The following MAPK10 variants were observed in gnomAD, a reference collection of about 807,000 sequenced individuals.
MAPK10 encodes mitogen-activated protein kinase 10, also known as JNK3 alpha protein kinase.
In MAPK10, 25 loss-of-function variants were observed where a neutral mutation model predicts 59.3. The observed-to-expected ratio is 0.42, with a 90% CI of 0.31 to 0.59. The LOEUF (loss-of-function observed/expected upper bound fraction) is 0.59. Ranked by LOEUF, MAPK10 falls within the 20% of genes least tolerant of loss-of-function variation. MAPK10 has a pLI of 0.15. For missense variants in MAPK10, 351 were observed against 568.9 expected, an observed-to-expected ratio of 0.62 and a Z score of 3.90; for synonymous variants, 190 against 200.5, an observed-to-expected ratio of 0.95 and a Z score of 0.44.
intron 7 of MAPK10, chr4:86,101,474 AT>A (rs2149072285): frequency 7.0e-6 from 3 of 427,742 alleles, no homozygotes; most frequent in South Asian, 3.6e-5. Context: ...AGAAAAAAAA[AT>A]ATTTATTGTC....
At chr4:86,123,693 A>G (rs2059625803) in intron 4 of MAPK10, 1 of 152,066 alleles carries the variant, frequency 6.6e-6, no homozygotes, top group Non-Finnish European at 1.5e-5. Context: ...TAATTCTGCA[A>G]ATAAATTACC....
intron 2 of MAPK10, among the ~76,000 whole-genome samples, chr4:86,352,538 C>A (rs1564647106): frequency 6.6e-6 from 1 of 152,052 alleles, no homozygotes; most frequent in Admixed American, 6.6e-5. Flanking sequence ...GATGGAAAAC[C>A]TACAAAGAAA....
chr4:86,353,328 A>G (rs1051242179), intron 2 of MAPK10, among the ~76,000 whole-genome samples: 1 of 152,304 alleles, frequency 6.6e-6, no homozygotes, highest in South Asian at 2.1e-4. Flanking sequence ...CAAAAGCTAA[A>G]CATTCTACCT....
At position 86,277,422 on chromosome 4, in the gene MAPK10, T is replaced by A. The variant is rs543527101; in HGVS notation, c.-7+77108A>T. ...CTTTTTATTTTTATGATTTCTAATA[T>A]ATTAATGTTAAAATTAAAATCCAGG... On this transcript the variant is annotated intron_variant, in intron 2 of 13. Coordinates refer to ENST00000641462, the MANE Select transcript of MAPK10 (RefSeq NM_138982.4). Among the ~76,000 whole-genome samples the A allele has an allele frequency of 8.5e-3, 1,288 of 152,222 alleles. 12 individuals are homozygous for A. The highest frequency in any genetic ancestry group is 0.028 in the African/African-American group (1,181 of 41,528).
At chr4:86,127,958 G>A (rs1383051956) in intron 4 of MAPK10, among the ~76,000 whole-genome samples, 2 of 151,938 alleles carry the variant, frequency 1.3e-5, no homozygotes, top group African/African-American at 4.8e-5. Flanking sequence ...TATATGTAGG[G>A]ATTTTTTATT....
intron 2 of MAPK10, among the ~76,000 whole-genome samples, chr4:86,231,219 G>A (rs1212121434): frequency 6.6e-6 from 1 of 152,066 alleles, no homozygotes; most frequent in African/African-American, 2.4e-5. Flanking sequence ...TTACCAGTTG[G>A]GTAGAAGTAG....
chr4:86,489,766 C>T (rs949021172), intron 1 of MAPK10, among the ~76,000 whole-genome samples: 2 of 152,160 alleles, frequency 1.3e-5, no homozygotes, highest in African/African-American at 2.4e-5. Flanking sequence ...GTCTCATCTC[C>T]TCTCCTCTAG....
At position 86,127,270 on chromosome 4, in the gene MAPK10, G is replaced by C. The variant is rs186088098; in HGVS notation, c.237-19918C>G. The stretch of plus-strand genomic sequence containing the variant: ...CCCCATAAGGGCAGGGACCATATCT[G>C]TATTGCTCACTTTTGCATTGAGAGC... On this transcript the variant is annotated intron_variant, in intron 4 of 13. Transcript: ENST00000641462. 3.7e-4 allele frequency among the ~76,000 whole-genome samples: 55 copies of C among 149,896 alleles called. No homozygotes were observed. The East Asian group carries it at 5.1e-3, about 14-fold the overall frequency.
At chr4:86,214,003 C>T (rs150126147) in intron 2 of MAPK10, among the ~76,000 whole-genome samples, 1 of 151,968 alleles carries the variant, frequency 6.6e-6, no homozygotes. Flanking sequence ...CAACAAAATA[C>T]TAGCAACACA....
At chr4:86,212,966 G>A (rs934893087) in intron 2 of MAPK10, among the ~76,000 whole-genome samples, 5 of 152,058 alleles carry the variant, frequency 3.3e-5, no homozygotes, top group African/African-American at 1.2e-4. Context: ...TTCCAGAATA[G>A]GCCATATGTT....
chr4:86,337,165 T>A (rs1235328629), intron 2 of MAPK10, among the ~76,000 whole-genome samples: 1 of 152,188 alleles, frequency 6.6e-6, no homozygotes, highest in Non-Finnish European at 1.5e-5. Context: ...AGATACTCAA[T>A]AAATATTTGT....
intron 2 of MAPK10, among the ~76,000 whole-genome samples, chr4:86,301,170 G>A (rs1023389271): frequency 6.6e-6 from 1 of 152,112 alleles, no homozygotes; most frequent in Non-Finnish European, 1.5e-5. Flanking sequence ...ATTGCCAAAT[G>A]CCCAGTGGGA....
In MAPK10 at chr4:86,101,965, G is replaced by A. The variant is rs1439640793; in HGVS notation, c.493C>T (p.Arg165Ter). 1.2e-6 allele frequency: 2 copies of A among 1,613,796 alleles called. No homozygotes were observed. The highest frequency in any genetic ancestry group is 1.7e-6 in the Non-Finnish European group (2 of 1,179,730). The change falls in exon 7 of 14, where the codon CGA becomes TGA. Residue 165 changes from arginine (R) to a stop codon, truncating the protein, a stop_gained. Coordinates refer to ENST00000641462, the MANE Select transcript of MAPK10 (RefSeq NM_138982.4). LOFTEE classifies it high-confidence loss of function. ...QVIQMELDHE[R>*]MSYLLYQMLC... ...ATTTGGTACAGCAGGTAAGACATTCGCTCATGGTCTAATTCCATCTGAATC... is the reference window on the plus strand; with the variant it reads ...ATTTGGTACAGCAGGTAAGACATTCACTCATGGTCTAATTCCATCTGAATC...
intron 2 of MAPK10, among the ~76,000 whole-genome samples, chr4:86,320,347 A>C (rs1406136611): frequency 6.6e-6 from 1 of 152,190 alleles, no homozygotes; most frequent in Non-Finnish European, 1.5e-5. Context: ...TTATGATTCA[A>C]AACCTTAATG....
At chr4:86,485,541 A>G (rs1025199200) in intron 1 of MAPK10, among the ~76,000 whole-genome samples, 1 of 152,230 alleles carries the variant, frequency 6.6e-6, no homozygotes, top group Non-Finnish European at 1.5e-5. Context: ...GAATATGCAA[A>G]TAGTTAAACA....
intron 3 of MAPK10, among the ~76,000 whole-genome samples, chr4:86,187,853 TG>T (rs2078653636): frequency 6.6e-6 from 1 of 152,134 alleles, no homozygotes; most frequent in South Asian, 2.1e-4. Context: ...TGTGCCATGG[TG>T]GTTTGCTGCA....
chr4:86,438,179 G>GCTTA (rs1564868781), intron 1 of MAPK10, among the ~76,000 whole-genome samples: 1 of 152,034 alleles, frequency 6.6e-6, no homozygotes, highest in Non-Finnish European at 1.5e-5. Flanking sequence ...TGGCAATTTC[G>GCTTA]CTTACTGAAA....
At chr4:86,452,193 A>G (rs1292924946) in intron 1 of MAPK10, among the ~76,000 whole-genome samples, 1 of 152,202 alleles carries the variant, frequency 6.6e-6, no homozygotes, top group Non-Finnish European at 1.5e-5. Context: ...AGGAAGAACT[A>G]AAGCCATGGT....
chr4:86,022,079 G>C (rs533571010), intron 13 of MAPK10, among the ~76,000 whole-genome samples: 1 of 152,350 alleles, frequency 6.6e-6, no homozygotes, highest in Admixed American at 6.5e-5. Context: ...GGGCTGAAAG[G>C]CTCCTCAAAT....
Sources: gnomAD v4.1 joint callset for allele counts (sites outside exome capture counted in the v4.1 genomes callset) on GRCh38, gnomAD v4.1.1 for gene constraint, MANE v1.5 for transcripts, NCBI Gene and HGNC (gene_info 2026-07-23, HGNC 2026-07-21) for gene names.